PTPRB: variants seen among roughly 807,000 people sequenced by gnomAD.
PTPRB encodes the protein receptor-type tyrosine-protein phosphatase beta.
In PTPRB, 97 loss-of-function variants were observed where a neutral mutation model predicts 238.1. That is an observed-to-expected ratio of 0.41 (90% CI 0.35 to 0.48). The LOEUF (loss-of-function observed/expected upper bound fraction) is 0.48. Ranked by LOEUF, PTPRB falls within the 20% of genes least tolerant of loss-of-function variation. The pLI is 0.30. For missense variants in PTPRB, 2,292 were observed against 2,681.9 expected, an observed-to-expected ratio of 0.85 and a Z score of 3.21; for synonymous variants, 970 against 995.4, an observed-to-expected ratio of 0.97 and a Z score of 0.48.
rs527721149 is a variant in PTPRB at position 70,636,249 on chromosome 12, G to A, written c.56-183C>T. On this transcript the variant is annotated intron_variant, in intron 1 of 33. Coordinates refer to ENST00000334414, the MANE Select transcript of PTPRB (RefSeq NM_001109754.4). ...TGTGATTTAAAATTCCAAAGCTGAC[G>A]ATATAAAATGTCAATATGTTACACT... 6.0e-5 allele frequency among the ~76,000 whole-genome samples: 9 copies of A among 150,062 alleles called. No individual in the cohort carries two copies. In the East Asian group the frequency reaches 1.8e-3, roughly 29 times the overall value.
At chr12:70,627,240 G>A (rs1357299831) in intron 2 of PTPRB, among the ~76,000 whole-genome samples, 1 of 152,116 alleles carries the variant, frequency 6.6e-6, no homozygotes, top group Non-Finnish European at 1.5e-5. Flanking sequence ...TGGCTCCAAA[G>A]TTCAGGGCTA....
intron 2 of PTPRB, among the ~76,000 whole-genome samples, chr12:70,634,729 C>G (rs555989554): frequency 7.8e-4 from 119 of 152,300 alleles, no homozygotes; most frequent in Non-Finnish European, 1.5e-3. Flanking sequence ...AACTTAGGCT[C>G]TAATCATAGA....
intron 4 of PTPRB, among the ~76,000 whole-genome samples, chr12:70,604,437 C>G (rs1023360429): frequency 1.5e-4 from 23 of 152,088 alleles, no homozygotes; most frequent in Non-Finnish European, 2.9e-5. Flanking sequence ...TTGTGTGCAT[C>G]GATTCACTCT....
At chr12:70,595,979 A>G (rs1282863780) in intron 5 of PTPRB, 70 bp downstream of exon 5, 3 of 1,343,126 alleles carry the variant, frequency 2.2e-6, no homozygotes, top group East Asian at 2.5e-5. Flanking sequence ...TCTTACTCCT[A>G]TTCCTTGAAT....
At chr12:70,627,970 T>C (rs1430380671) in intron 2 of PTPRB, among the ~76,000 whole-genome samples, 5 of 152,212 alleles carry the variant, frequency 3.3e-5, no homozygotes, top group African/African-American at 1.2e-4. Context: ...ATATGATTGC[T>C]TATCTTTTAC....
At position 70,534,471 on chromosome 12, in the gene PTPRB, G is replaced by A. The variant is rs1873779140; in HGVS notation, c.6368+17C>T. The A allele has an allele frequency of 6.2e-7, 1 of 1,609,018 alleles. No homozygotes were observed. The highest frequency in any genetic ancestry group is 1.3e-5 in the African/African-American group (1 of 74,814). ...CCTTATGGCTGCCATTTTATTGGCT[G>A]CTAGGTTTCCTAGTACCTGCAGTGC... On this transcript the variant is annotated intron_variant, in intron 31 of 33. Transcript: ENST00000334414.
intron 10 of PTPRB, among the ~76,000 whole-genome samples, chr12:70,576,916 T>C (rs112068642): frequency 0.013 from 1,977 of 152,216 alleles, 45 homozygotes; most frequent in African/African-American, 0.046. Context: ...ACTACTGCAT[T>C]TTTATGGGGT....
At chr12:70,583,079 G>A (rs775287618) in intron 9 of PTPRB, among the ~76,000 whole-genome samples, 4 of 152,032 alleles carry the variant, frequency 2.6e-5, no homozygotes, top group African/African-American at 4.8e-5. Flanking sequence ...CTGAGAACAC[G>A]GAGGAAGTGG....
rs1871203189 is a variant in PTPRB at position 70,516,441 on chromosome 12, T to G, written c.*5048A>C. 6.6e-6 allele frequency: 1 copy of G among 152,228 alleles called. No homozygotes were observed. The highest frequency in any genetic ancestry group is 1.5e-5 in the Non-Finnish European group (1 of 68,040). The allele number at this position is 152,228 out of a possible 1,614,324, so 9.4% of individuals were successfully genotyped here. On this transcript the variant is annotated 3_prime_UTR_variant, in exon 34 of 34. Coordinates refer to ENST00000334414, the MANE Select transcript of PTPRB (RefSeq NM_001109754.4). Reference sequence around the variant, plus strand: ...AAATACTCTTCCAGTAGAGCACTGGTGCACCCTCTTGTCAGTGTGGCAGAC... The same window carrying G: ...AAATACTCTTCCAGTAGAGCACTGGGGCACCCTCTTGTCAGTGTGGCAGAC...
intron 21 of PTPRB, among the ~76,000 whole-genome samples, chr12:70,546,233 A>C (rs1003802055): frequency 6.6e-6 from 1 of 152,160 alleles, no homozygotes; most frequent in South Asian, 2.1e-4. Flanking sequence ...ATTTACAACT[A>C]TCCAGCTGAC....
chr12:70,546,376 A>G (rs985867703), intron 21 of PTPRB, among the ~76,000 whole-genome samples: 2 of 152,138 alleles, frequency 1.3e-5, no homozygotes, highest in African/African-American at 4.8e-5. Context: ...AAACACACAG[A>G]TTTGTAACCT....
rs654114 is a variant in PTPRB at position 70,537,861 on chromosome 12, A to C, written c.5946+294T>G. Among the ~76,000 whole-genome samples the C allele has an allele frequency of 7.3e-3, 1,109 of 152,274 alleles. 13 individuals carry two copies. The highest frequency in any genetic ancestry group is 0.025 in the African/African-American group (1,046 of 41,554). On this transcript the variant is annotated intron_variant, in intron 28 of 33. Coordinates refer to ENST00000334414, the MANE Select transcript of PTPRB (RefSeq NM_001109754.4). ...TCTAGCTAGGCAGCTTTAGCAGGGG[A>C]GGTCCATCTTCCTTAGGAAGCTCTC...
At chr12:70,607,805 C>T (rs1049038745) in intron 4 of PTPRB, among the ~76,000 whole-genome samples, 1 of 152,084 alleles carries the variant, frequency 6.6e-6, no homozygotes, top group Non-Finnish European at 1.5e-5. Flanking sequence ...CCTGCCTCAG[C>T]CTCCCAAAGT....
At chr12:70,610,088 A>G (rs1272262113) in intron 3 of PTPRB, among the ~76,000 whole-genome samples, 3 of 151,970 alleles carry the variant, frequency 2.0e-5, no homozygotes, top group Non-Finnish European at 2.9e-5. Flanking sequence ...GCCTCGCCCC[A>G]GCCCCGTCCG....
At chr12:70,532,297 T>G (rs1873383132) in intron 31 of PTPRB, 127 bp from the exon 32 acceptor site, 1 of 1,230,758 alleles carries the variant, frequency 8.1e-7, no homozygotes, top group Admixed American at 3.1e-5. Context: ...AATATTTCTT[T>G]CTCTCAAATA....
At chr12:70,543,951 A>G (rs1205919634) in intron 22 of PTPRB, among the ~76,000 whole-genome samples, 2 of 152,318 alleles carry the variant, frequency 1.3e-5, no homozygotes, top group East Asian at 1.9e-4. Flanking sequence ...GCTTAAAACT[A>G]TGTCTCCATA....
chr12:70,571,757 G>T, intron 12 of PTPRB, 67 bp downstream of exon 12: 1 of 1,528,620 alleles, frequency 6.5e-7, no homozygotes, highest in South Asian at 1.3e-5. Context: ...AAAATTCAAG[G>T]TTCAGATAAA....
In PTPRB at chr12:70,594,525, G is replaced by A; in HGVS notation, c.1458C>T (p.Leu486=). The change falls in exon 6 of 34, where the codon CTC becomes CTT. Residue 486 remains leucine (L), a synonymous_variant. Coordinates refer to ENST00000334414, the MANE Select transcript of PTPRB (RefSeq NM_001109754.4). ...HGLTPGYLYN[L]TVMTEAAGLQ... ...GCCCTGCAGCCTCAGTCATAACAGT[G>A]AGGTTGTAGAGGTAGCCAGGGGTCA... 1 of 1,613,984 alleles carries A rather than the reference G, an allele frequency of 6.2e-7. No homozygotes were observed.
chr12:70,534,811 T>TAAGTC (rs550441012), intron 30 of PTPRB, 22 bp downstream of exon 30: 5 of 1,612,350 alleles, frequency 3.1e-6, no homozygotes, highest in East Asian at 2.2e-5. Flanking sequence ...GCTCGGTTGT[T>TAAGTC]AAGTCAAGCA....
Sources: gnomAD v4.1 joint callset for allele counts (sites outside exome capture counted in the v4.1 genomes callset) on GRCh38, gnomAD v4.1.1 for gene constraint, MANE v1.5 for transcripts, NCBI Gene and HGNC (gene_info 2026-07-23, HGNC 2026-07-21) for gene names.